Variants in RAD51 observed in about 807,000 individuals in gnomAD.
The protein encoded by RAD51 is RAD51 recombinase, also known as DNA repair protein RAD51 homolog 1.
In RAD51, 14 loss-of-function variants were observed where a neutral mutation model predicts 41.5. The observed-to-expected ratio is 0.34, with a 90% confidence interval of 0.22 to 0.53. The LOEUF is 0.53. RAD51 is among the 20% of genes least tolerant of loss of function. RAD51 has a pLI of 0.95. For synonymous variants in RAD51, 136 were observed against 148.6 expected (o/e 0.92, Z 0.62); for missense variants, 234 against 422.0 (o/e 0.55, Z 3.90).
At chr15:40,724,670 ATTTCTTTTT>A (rs1896458558) in intron 6 of RAD51, among the ~76,000 whole-genome samples, 1 of 72,028 alleles carries the variant, frequency 1.4e-5, no homozygotes, top group Non-Finnish European at 2.9e-5. Flanking sequence ...TAATTTTTTT[ATTTCTTTTT>A]TTTTTTTTTT....
At chr15:40,702,393 C>T (rs923796128) in intron 3 of RAD51, among the ~76,000 whole-genome samples, 3 of 152,142 alleles carry the variant, frequency 2.0e-5, no homozygotes, top group Non-Finnish European at 2.9e-5. Flanking sequence ...TCTATGAACA[C>T]AACAATGCAA....
At chr15:40,730,520 C>CTTTTTTTTTTTTCTTTTCT (rs1896818327) in intron 9 of RAD51, among the ~76,000 whole-genome samples, 1 of 113,110 alleles carries the variant, frequency 8.8e-6, no homozygotes, top group South Asian at 3.3e-4. Context: ...AATTTTTTTT[C>CTTTTTTTTTTTTCTTTTCT]TTTTTTTTTT....
intron 5 of RAD51, among the ~76,000 whole-genome samples, chr15:40,716,768 C>T (rs1215842734): frequency 6.7e-6 from 1 of 148,588 alleles, no homozygotes; most frequent in Non-Finnish European, 1.5e-5. Context: ...TCACGCCATT[C>T]TCCTGCCTCA....
chr15:40,700,950 GACA>G, intron 2 of RAD51, 111 bp from the exon 3 acceptor site: 2 of 1,292,328 alleles, frequency 1.5e-6, no homozygotes, highest in Non-Finnish European at 2.1e-6. Context: ...GATTTCAAGG[GACA>G]GTTGTATTAC....
intron 5 of RAD51, among the ~76,000 whole-genome samples, chr15:40,710,501 C>CAAAAAAAA (rs747933816): frequency 8.2e-5 from 4 of 48,754 alleles, no homozygotes; most frequent in African/African-American, 1.3e-4. Context: ...GACTCTGTCT[C>CAAAAAAAA]AAAAAAAAAA....
rs767097377 is a variant in RAD51 at position 40,731,096 on chromosome 15, A to G, written c.938A>G (p.Lys313Arg). 6.2e-7 allele frequency: 1 copy of G among 1,614,124 alleles called. No individual in the cohort carries two copies. The highest frequency in any genetic ancestry group is 1.1e-5 in the South Asian group (1 of 91,078). The change falls in exon 10 of 10, where the codon AAA becomes AGA. Residue 313 changes from lysine to arginine, a missense_variant. Around this residue, in one of 2 missense-constraint regions of RAD51, gnomAD observed 134 missense variants for 286.5 expected, o/e 0.47. Transcript: ENST00000267868. Reference sequence around the variant, plus strand: ...GGAAGAGGGGAAACCAGAATCTGCAAAATCTACGACTCTCCCTGTCTTCCT... The same window carrying G: ...GGAAGAGGGGAAACCAGAATCTGCAGAATCTACGACTCTCCCTGTCTTCCT... ...RKGRGETRICKIYDSPCLPEA... is the reference protein window; with the variant it reads ...RKGRGETRICRIYDSPCLPEA...
At chr15:40,697,092 T>G (rs1423458067) in intron 1 of RAD51, among the ~76,000 whole-genome samples, 1 of 151,114 alleles carries the variant, frequency 6.6e-6, no homozygotes, top group Admixed American at 6.6e-5. Flanking sequence ...TTTTTATTAT[T>G]TATTTATTTA....
At position 40,710,867 on chromosome 15, in the gene RAD51, A is replaced by G. The variant is rs558320247; in HGVS notation, c.435+1751A>G. 1.7e-3 allele frequency among the ~76,000 whole-genome samples: 266 copies of G among 152,168 alleles called. 4 individuals carry two copies. In the South Asian group the frequency reaches 0.021, roughly 12 times the overall value. The stretch of plus-strand genomic sequence containing the variant: ...CCTTCTCAAGGACTCTACTCCTTCC[A>G]TTTTCTCTTGTACCTCTCTATGAGA... On this transcript the variant is annotated intron_variant, in intron 5 of 9. Transcript: ENST00000267868.
At chr15:40,723,602 A>G (rs1272689479) in intron 6 of RAD51, among the ~76,000 whole-genome samples, 2 of 152,214 alleles carry the variant, frequency 1.3e-5, no homozygotes, top group Non-Finnish European at 2.9e-5. Context: ...TTCCATTTAT[A>G]TGAAATTTCC....
chr15:40,710,318 A>G (rs1280802021), intron 5 of RAD51, among the ~76,000 whole-genome samples: 1 of 147,718 alleles, frequency 6.8e-6, no homozygotes, highest in South Asian at 2.1e-4. Flanking sequence ...CCTGGCCAAC[A>G]TGGTGAAACC....
At position 40,702,325 on chromosome 15, in the gene RAD51, G is replaced by A. The variant is rs45553233; in HGVS notation, c.225+1124G>A. ...TTTGTGAATGAACAAATGCTGACAG[G>A]ATCTTTTCTTTTTGCCTTGCGAGAT... On this transcript the variant is annotated intron_variant, in intron 3 of 9. Transcript: ENST00000267868. Among the ~76,000 whole-genome samples the A allele has an allele frequency of 2.0e-4, 30 of 152,224 alleles. 1 individual carries two copies. The highest frequency in any genetic ancestry group is 7.0e-4 in the African/African-American group (29 of 41,520).
intron 3 of RAD51, among the ~76,000 whole-genome samples, chr15:40,705,214 A>C (rs988647246): frequency 3.9e-5 from 6 of 152,170 alleles, no homozygotes; most frequent in Non-Finnish European, 8.8e-5. Context: ...CATTGCAAAA[A>C]CATTTTCTGA....
At chr15:40,721,074 T>G (rs1031453031) in intron 6 of RAD51, among the ~76,000 whole-genome samples, 1 of 152,174 alleles carries the variant, frequency 6.6e-6, no homozygotes, top group Non-Finnish European at 1.5e-5. Flanking sequence ...TCTGAGCTAC[T>G]TGGGAGGGTA....
intron 9 of RAD51, among the ~76,000 whole-genome samples, chr15:40,730,222 T>C (rs1424388434): frequency 6.6e-6 from 1 of 152,114 alleles, no homozygotes; most frequent in East Asian, 1.9e-4. Context: ...ATTTAAAAAA[T>C]GTTTGGGCTG....
At chr15:40,708,462 A>C (rs1595990671) in intron 4 of RAD51, among the ~76,000 whole-genome samples, 1 of 151,754 alleles carries the variant, frequency 6.6e-6, no homozygotes, top group East Asian at 1.9e-4. Flanking sequence ...TCCTGACCTC[A>C]GGTGATCAGC....
intron 6 of RAD51, among the ~76,000 whole-genome samples, chr15:40,722,194 C>T (rs1219492432): frequency 6.6e-6 from 1 of 152,030 alleles, no homozygotes; most frequent in Non-Finnish European, 1.5e-5. Context: ...GGTGGATCAC[C>T]TTAGGTCAGG....
chr15:40,730,008 G>A (rs777884590), intron 9 of RAD51, 34 bp downstream of exon 9: 3 of 1,610,014 alleles, frequency 1.9e-6, no homozygotes, highest in African/African-American at 1.3e-5. Flanking sequence ...CTTCTTTTCG[G>A]AATGTCATAT....
intron 5 of RAD51, among the ~76,000 whole-genome samples, chr15:40,718,491 C>T (rs1896096791): frequency 6.6e-6 from 1 of 150,912 alleles, no homozygotes; most frequent in Non-Finnish European, 1.5e-5. Flanking sequence ...GCACTCCAGC[C>T]TGGGCAACAG....
At chr15:40,701,355 T>A (rs1415382193) in intron 3 of RAD51, 154 bp downstream of exon 3, 7 of 876,410 alleles carry the variant, frequency 8.0e-6, no homozygotes, top group Non-Finnish European at 1.2e-5. Flanking sequence ...TCTTTTCTTT[T>A]CTTTTCTTTT....
Sources: gnomAD v4.1 joint callset for allele counts (sites outside exome capture counted in the v4.1 genomes callset) on GRCh38, gnomAD v4.1.1 for gene constraint, gnomAD v4.1.1 regional missense constraint, MANE v1.5 for transcripts, NCBI Gene and HGNC (gene_info 2026-07-23, HGNC 2026-07-21) for gene names.